The following PHKA2 variants were observed in gnomAD, a reference collection of about 807,000 sequenced individuals.
PHKA2 encodes phosphorylase kinase regulatory subunit alpha 2.
Under a neutral mutation model 102.0 loss-of-function variants are expected in PHKA2, and 31 were observed. That is an observed-to-expected ratio of 0.30 (90% confidence interval 0.23 to 0.41). The LOEUF (loss-of-function observed/expected upper bound fraction) is 0.41. Ranked by LOEUF, PHKA2 falls within the 10% of genes least tolerant of loss-of-function variation. PHKA2 has a pLI of 1.00. For missense variants in PHKA2, 858 were observed against 1,023.1 expected (o/e 0.84, Z 2.20); for synonymous variants, 455 against 416.2 (o/e 1.09, Z -1.13).
intron 18 of PHKA2, among the ~76,000 whole-genome samples, chrX:18,919,086 A>T (rs911033982): frequency 9.0e-6 from 1 of 111,524 alleles, no homozygotes; most frequent in African/African-American, 3.3e-5. Flanking sequence ...GGAAAAAAAA[A>T]CTACCAGTCA....
chrX:18,899,809 A>G (rs760280769), intron 28 of PHKA2, among the ~76,000 whole-genome samples: 1 of 112,317 alleles, frequency 8.9e-6, no homozygotes, highest in South Asian at 3.7e-4. Flanking sequence ...GATTGAAAAT[A>G]CCATAACACC....
chrX:18,948,931 A>AT lies in PHKA2; in HGVS notation c.455-106dup, dbSNP rs767410982. On this transcript the variant is annotated intron_variant, in intron 4 of 32. Transcript: ENST00000379942. ...AATAAACCCTTTTACCCTCATTTTC[A>AT]TTTTTCTTCCAAAGGCATCAAAAAT... 4 of 568,569 alleles carry AT rather than the reference A, an allele frequency of 7.0e-6. No homozygotes were observed. In the South Asian group the frequency reaches 9.1e-5, roughly 13 times the overall value. 46.9% of individuals were successfully genotyped at this position (568,569 alleles called of 1,213,427 possible).
At chrX:18,938,137 G>A (rs745673448) in intron 10 of PHKA2, among the ~76,000 whole-genome samples, 55 of 112,832 alleles carry the variant, frequency 4.9e-4, no homozygotes, top group Middle Eastern at 4.6e-3. Context: ...TGTCAGTTCC[G>A]GGCCTAACAC....
intron 12 of PHKA2, 114 bp downstream of exon 12, chrX:18,931,527 G>A (rs1347536988): frequency 1.7e-6 from 1 of 594,595 alleles, no homozygotes; most frequent in Admixed American, 2.2e-5. Flanking sequence ...TTAAACGAAT[G>A]AAGATGCAAA....
intron 19 of PHKA2, among the ~76,000 whole-genome samples, chrX:18,918,048 C>T (rs2048050494): frequency 9.0e-6 from 1 of 110,999 alleles, no homozygotes; most frequent in Non-Finnish European, 1.9e-5. Flanking sequence ...GCCAGGGAAA[C>T]TCCCAGGATG....
At chrX:18,921,542 C>G (rs1220242085) in intron 17 of PHKA2, among the ~76,000 whole-genome samples, 3 of 112,335 alleles carry the variant, frequency 2.7e-5, no homozygotes, top group Non-Finnish European at 5.6e-5. Context: ...ATAGTTATAA[C>G]TCCTATATGT....
At chrX:18,974,945 T>C (rs1376318579) in intron 1 of PHKA2, among the ~76,000 whole-genome samples, 4 of 110,623 alleles carry the variant, frequency 3.6e-5, no homozygotes, top group Admixed American at 9.6e-5. Flanking sequence ...ATCTCTCCAC[T>C]TTTGGGGGTC....
intron 1 of PHKA2, among the ~76,000 whole-genome samples, chrX:18,958,527 A>C (rs918830047): frequency 9.0e-6 from 1 of 110,638 alleles, no homozygotes; most frequent in African/African-American, 3.3e-5. Context: ...AGTTATCAAT[A>C]GTTTTAATTT....
rs1473683064 is a variant in PHKA2, at chrX:18,892,773, A to AGAT, written c.*709_*711dup. On this transcript the variant is annotated 3_prime_UTR_variant, in exon 33 of 33. Coordinates refer to ENST00000379942, the MANE Select transcript of PHKA2 (RefSeq NM_000292.3). Reference sequence around the variant, plus strand: ...TTTTTTTTTTTTTCTAGATTCCAGAAGATGCAGTATTTTTCCTAAGGCAGG... The same window carrying AGAT: ...TTTTTTTTTTTTTCTAGATTCCAGAAGATGATGCAGTATTTTTCCTAAGGCAGG... 7 of 107,980 alleles carry AGAT rather than the reference A, an allele frequency of 6.5e-5. No individual in the cohort carries two copies. Among genetic ancestry groups the AGAT allele is most frequent in the African/African-American group, 1.7e-4 (5 of 29,496 alleles). The allele number at this position is 107,980 out of a possible 1,213,427, so 8.9% of individuals were successfully genotyped here.
chrX:18,937,671 TCA>T (rs1477241767), intron 10 of PHKA2, among the ~76,000 whole-genome samples: 2 of 111,709 alleles, frequency 1.8e-5, no homozygotes, highest in Non-Finnish European at 3.8e-5. Context: ...TGTGCTTGGA[TCA>T]CAGAACTCAA....
intron 4 of PHKA2, among the ~76,000 whole-genome samples, chrX:18,950,102 T>C (rs1241532959): frequency 9.0e-6 from 1 of 111,582 alleles, no homozygotes; most frequent in Non-Finnish European, 1.9e-5. Flanking sequence ...GAGAGAGGCC[T>C]GGCGTCCAGG....
At chrX:18,944,649 C>CCA (rs2147970904) in intron 6 of PHKA2, among the ~76,000 whole-genome samples, 1 of 112,035 alleles carries the variant, frequency 8.9e-6, no homozygotes, top group East Asian at 2.8e-4. Flanking sequence ...CCCCTGACCC[C>CCA]CACCTTGCTG....
intron 17 of PHKA2, among the ~76,000 whole-genome samples, chrX:18,922,876 G>A (rs898928428): frequency 1.8e-5 from 2 of 110,278 alleles, no homozygotes; most frequent in South Asian, 3.9e-4. Context: ...TTAAAAAAAC[G>A]ACAGTGACTT....
chrX:18,923,930 C>T, intron 17 of PHKA2, 126 bp downstream of exon 17: 8 of 560,756 alleles, frequency 1.4e-5, no homozygotes, highest in Non-Finnish European at 1.9e-5. Flanking sequence ...GTGTTACCTT[C>T]CTGCTTACTC....
intron 28 of PHKA2, 125 bp downstream of exon 28, chrX:18,900,545 C>T: frequency 4.8e-6 from 3 of 622,334 alleles, no homozygotes; most frequent in Non-Finnish European, 8.2e-6. Flanking sequence ...TGCCTGTGCC[C>T]CAGCCCGTTT....
Position 18,931,735 on chromosome X carries a change from T to C in PHKA2, c.1151A>G (p.Tyr384Cys), listed in dbSNP as rs755462710. 5.1e-6 allele frequency: 6 copies of C among 1,182,269 alleles called. No homozygotes were observed. The highest frequency in any genetic ancestry group is 4.3e-5 in the Admixed American group (2 of 46,002). Reference protein sequence around the residue: ...AVPPNKVDEEYKNPHTVDRVP... With the variant: ...AVPPNKVDEECKNPHTVDRVP... Reference sequence around the variant, plus strand: ...TCGGTCTACTGTGTGAGGATTCTTGTACTCTTCATCTACCTGGAAAGAGAG... The same window carrying C: ...TCGGTCTACTGTGTGAGGATTCTTGCACTCTTCATCTACCTGGAAAGAGAG... The change falls in exon 12 of 33, where the codon TAC becomes TGC. Residue 384 changes from tyrosine (Y) to cysteine (C), a missense_variant. By Grantham distance (194) the Tyr-to-Cys change is radical (BLOSUM62 -2). Transcript: ENST00000379942.
At chrX:18,944,506 G>A (rs2048546824) in intron 6 of PHKA2, among the ~76,000 whole-genome samples, 1 of 111,697 alleles carries the variant, frequency 9.0e-6, no homozygotes, top group African/African-American at 3.3e-5. Context: ...ATATGTCTAT[G>A]GCAAGAGAAG....
intron 4 of PHKA2, among the ~76,000 whole-genome samples, chrX:18,949,634 T>C (rs2048642543): frequency 8.9e-6 from 1 of 112,438 alleles, no homozygotes; most frequent in Non-Finnish European, 1.9e-5. Context: ...GAGCTTGTTA[T>C]ATCACGGGAG....
chrX:18,941,976 G>A (rs1601763562), intron 7 of PHKA2, among the ~76,000 whole-genome samples: 1 of 112,357 alleles, frequency 8.9e-6, no homozygotes, highest in East Asian at 2.8e-4. Flanking sequence ...GGACATGTAG[G>A]GGAGGAACTA....
Sources: gnomAD v4.1 joint callset for allele counts (sites outside exome capture counted in the v4.1 genomes callset) on GRCh38, gnomAD v4.1.1 for gene constraint, MANE v1.5 for transcripts, NCBI Gene and HGNC (gene_info 2026-07-23, HGNC 2026-07-21) for gene names.